The following GLDC variants were observed in gnomAD, a reference collection of about 807,000 sequenced individuals.
The protein encoded by GLDC is glycine decarboxylase, also known as glycine dehydrogenase (decarboxylating), mitochondrial.
In GLDC, 104 loss-of-function variants were observed where a neutral mutation model predicts 121.3. That is an observed-to-expected ratio of 0.86 (90% CI 0.73 to 1.01). GLDC has a LOEUF of 1.01. Among genes scored for constraint, GLDC ranks in the 50% least tolerant of loss-of-function variants. The pLI is 0.00. For synonymous variants in GLDC, 546 were observed against 480.6 expected, an observed-to-expected ratio of 1.14 and a Z score of -1.78; for missense variants, 1,429 against 1,306.6, an observed-to-expected ratio of 1.09 and a Z score of -1.44.
intron 9 of GLDC, among the ~76,000 whole-genome samples, chr9:6,593,660 T>C (rs949981186): frequency 1.3e-5 from 2 of 151,280 alleles, no homozygotes; most frequent in Non-Finnish European, 2.9e-5. Context: ...TGTACAATAG[T>C]CAAACATATG....
intron 15 of GLDC, among the ~76,000 whole-genome samples, chr9:6,582,688 G>A (rs1289263791): frequency 1.3e-5 from 2 of 151,378 alleles, no homozygotes; most frequent in Non-Finnish European, 2.9e-5. Context: ...AATTAGCCGG[G>A]TGTGGTGGCA....
At position 6,645,284 on chromosome 9, in the gene GLDC, G is replaced by C; in HGVS notation, c.216C>G (p.Asp72Glu). The C allele has an allele frequency of 6.2e-7, 1 of 1,603,944 alleles. No homozygotes were observed. Residue 72 changes from aspartate to glutamate, a missense_variant, in exon 1 of 25, where the codon GAC becomes GAG. Coordinates refer to ENST00000321612, the MANE Select transcript of GLDC (RefSeq NM_000170.3). ...TCTGCAGCATCTCTCTCTGGTCTTT[G>C]TCCCCAGGGCCGATGTGCCTCCGAG... ...DFARRHIGPG[D>E]KDQREMLQTL...
intron 15 of GLDC, among the ~76,000 whole-genome samples, chr9:6,572,254 C>T (rs188746637): frequency 1.1e-3 from 160 of 152,312 alleles, no homozygotes; most frequent in Admixed American, 8.1e-3. Context: ...GAGAAAGTAT[C>T]TGCAAACTAC....
chr9:6,619,720 TC>T (rs1337406631), intron 3 of GLDC, among the ~76,000 whole-genome samples: 1 of 152,122 alleles, frequency 6.6e-6, no homozygotes, highest in Non-Finnish European at 1.5e-5. Flanking sequence ...ACAGCAAGAC[TC>T]CGTCTGGGCA....
intron 23 of GLDC, 149 bp from the exon 24 acceptor site, chr9:6,534,937 T>C (rs753825975): frequency 3.0e-6 from 2 of 669,498 alleles, no homozygotes; most frequent in Non-Finnish European, 5.6e-6. Flanking sequence ...ATGTGATTTA[T>C]AATTGTGAAA....
At position 6,571,402 on chromosome 9, in the gene GLDC, A is replaced by T. The variant is rs191428709; in HGVS notation, c.1851-5973T>A. On this transcript the variant is annotated intron_variant, in intron 15 of 24. Coordinates refer to ENST00000321612, the MANE Select transcript of GLDC (RefSeq NM_000170.3). Reference sequence around the variant, plus strand: ...TTACAGATTAACAACAATAACTAAGAATAAATAGAACAATTACACCACCAT... The same window carrying T: ...TTACAGATTAACAACAATAACTAAGTATAAATAGAACAATTACACCACCAT... Among the ~76,000 whole-genome samples the T allele has an allele frequency of 4.4e-3, 663 of 152,302 alleles. 5 individuals carry two copies. The highest frequency in any genetic ancestry group is 6.1e-3 in the Non-Finnish European group (416 of 68,018).
chr9:6,570,135 G>A (rs1237882995), intron 15 of GLDC, among the ~76,000 whole-genome samples: 2 of 152,192 alleles, frequency 1.3e-5, no homozygotes, highest in South Asian at 2.1e-4. Context: ...CAAGACTGCA[G>A]AATGCACTAA....
chr9:6,553,284 G>T (rs946711526), intron 20 of GLDC, 84 bp downstream of exon 20: 1 of 1,219,924 alleles, frequency 8.2e-7, no homozygotes, highest in Non-Finnish European at 1.2e-6. Flanking sequence ...TTGTTTTTAA[G>T]CCAAGAAGTC....
intron 3 of GLDC, among the ~76,000 whole-genome samples, chr9:6,613,243 T>C (rs1818897494): frequency 1.3e-5 from 2 of 152,324 alleles, no homozygotes; most frequent in South Asian, 2.1e-4. Flanking sequence ...GAAAATAAAA[T>C]CACTTAATTT....
intron 16 of GLDC, among the ~76,000 whole-genome samples, chr9:6,559,153 ATATT>A (rs1265603520): frequency 6.6e-6 from 1 of 152,146 alleles, no homozygotes; most frequent in Non-Finnish European, 1.5e-5. Context: ...AATTATATCA[ATATT>A]TATCGGATGT....
intron 3 of GLDC, among the ~76,000 whole-genome samples, chr9:6,615,744 G>C (rs1006445352): frequency 6.6e-6 from 1 of 151,728 alleles, no homozygotes; most frequent in Non-Finnish European, 1.5e-5. Context: ...CCAAATATCT[G>C]AGATTACAGG....
intron 8 of GLDC, among the ~76,000 whole-genome samples, chr9:6,597,522 G>A (rs968489630): frequency 6.6e-6 from 1 of 151,744 alleles, no homozygotes; most frequent in African/African-American, 2.4e-5. Flanking sequence ...CTTGAGGCCT[G>A]GAGATCAATA....
chr9:6,540,067 C>G lies in GLDC; in HGVS notation c.2649G>C (p.Lys883Asn). The G allele has an allele frequency of 1.9e-6, 3 of 1,610,204 alleles. No homozygotes were observed. The highest frequency in any genetic ancestry group is 2.5e-6 in the Non-Finnish European group (3 of 1,176,528). Residue 883 changes from lysine to asparagine, a missense_variant, in exon 22 of 25, where the codon AAG becomes AAC. Lys to Asn is a moderately conservative substitution (Grantham distance 94). Transcript: ENST00000321612. ...SANIEAVDVA[K>N]RLQDYGFHAP... The stretch of plus-strand genomic sequence containing the variant: ...GCCACTTACCATAATCCTGGAGTCT[C>G]TTGGCCACATCCACAGCCTCAATAT...
rs1457571270 is a variant in GLDC at position 6,556,262 on chromosome 9, G to C, written c.2093C>G (p.Thr698Arg). The C allele has an allele frequency of 6.2e-7, 1 of 1,613,014 alleles. No homozygotes were observed. The highest frequency in any genetic ancestry group is 8.5e-7 in the Non-Finnish European group (1 of 1,178,990). ...AAACACCCCATTGGTGGATGGGTAT[G>C]TAATCATGATAGCTGCTAGGTTCTC... is the stretch of plus-strand genomic sequence containing the variant. ...HKENLAAIMI[T>R]YPSTNGVFEE... Residue 698 changes from threonine to arginine, a missense_variant, in exon 18 of 25, where the codon ACA becomes AGA. Coordinates refer to ENST00000321612, the MANE Select transcript of GLDC (RefSeq NM_000170.3).
chr9:6,640,842 T>A (rs1233102944), intron 2 of GLDC, among the ~76,000 whole-genome samples: 3 of 152,154 alleles, frequency 2.0e-5, no homozygotes, highest in Admixed American at 1.3e-4. Flanking sequence ...ATAAAATGAA[T>A]ACCTACACTG....
At chr9:6,593,074 A>T in intron 9 of GLDC, 84 bp from the exon 10 acceptor site, 1 of 1,425,090 alleles carries the variant, frequency 7.0e-7, no homozygotes, top group Non-Finnish European at 9.9e-7. Flanking sequence ...ATAAAGAGAT[A>T]AATTCTACTA....
intron 20 of GLDC, among the ~76,000 whole-genome samples, chr9:6,553,032 A>C (rs1376723839): frequency 6.6e-6 from 1 of 152,172 alleles, no homozygotes; most frequent in Non-Finnish European, 1.5e-5. Context: ...GGGCTATATA[A>C]ATCCTGCAGG....
chr9:6,543,497 C>A (rs1251230631), intron 21 of GLDC, among the ~76,000 whole-genome samples: 1 of 152,152 alleles, frequency 6.6e-6, no homozygotes, highest in African/African-American at 2.4e-5. Context: ...ACTGCTAATA[C>A]TACAGTGCCA....
At chr9:6,588,743 A>T (rs750112515) in intron 12 of GLDC, 41 bp from the exon 13 acceptor site, 52 of 1,134,316 alleles carry the variant, frequency 4.6e-5, no homozygotes, top group Non-Finnish European at 6.3e-5. Context: ...CCAAAAGTAG[A>T]TATGAGTCCA....
Sources: gnomAD v4.1 joint callset for allele counts (sites outside exome capture counted in the v4.1 genomes callset) on GRCh38, gnomAD v4.1.1 for gene constraint, MANE v1.5 for transcripts, NCBI Gene and HGNC (gene_info 2026-07-23, HGNC 2026-07-21) for gene names.